The following PGCKA1 variants were observed in gnomAD, a reference collection of about 807,000 sequenced individuals.
The protein encoded by PGCKA1 is PDCD10 and GCKIII kinases-associated protein 1.
the PGCKA1 span, among the ~76,000 whole-genome samples, chr4:37,509,153 T>C: frequency 0.5 from 72,190 of 145,460 alleles, 18,309 homozygotes; most frequent in African/African-American, 0.56. Context: ...TAGACAAAAC[T>C]GCCATCGTCA....
At chr4:37,590,260 A>C in the PGCKA1 span, 3 of 1,614,080 alleles carry the variant, frequency 1.9e-6, no homozygotes, top group Non-Finnish European at 2.5e-6. Flanking sequence ...GAGCAGCAGC[A>C]GGACAGCTGA....
chr4:37,481,587 T>C, the PGCKA1 span, among the ~76,000 whole-genome samples: 1 of 151,560 alleles, frequency 6.6e-6, no homozygotes, highest in East Asian at 2.0e-4. Context: ...TTGCCGACTC[T>C]TCACATGGTT....
At chr4:37,554,862 G>C in the PGCKA1 span, among the ~76,000 whole-genome samples, 51 of 152,298 alleles carry the variant, frequency 3.3e-4, no homozygotes, top group Non-Finnish European at 3.7e-4. Context: ...GCTGGAAATA[G>C]AAAGTAGCTG....
the PGCKA1 span, among the ~76,000 whole-genome samples, chr4:37,551,735 G>A: frequency 5.6e-3 from 850 of 152,302 alleles, 12 homozygotes; most frequent in African/African-American, 0.02. Context: ...GTGGTTCCCA[G>A]CACTAGAAAA....
chr4:37,514,753 TATCTG>T, the PGCKA1 span, among the ~76,000 whole-genome samples: 1 of 152,210 alleles, frequency 6.6e-6, no homozygotes, highest in African/African-American at 2.4e-5. Flanking sequence ...AGGGATAGTA[TATCTG>T]ATCTCTCCTA....
the PGCKA1 span, among the ~76,000 whole-genome samples, chr4:37,574,752 C>T: frequency 6.6e-6 from 1 of 151,792 alleles, no homozygotes; most frequent in African/African-American, 2.4e-5. Context: ...CTCTTTCACC[C>T]CCACCCCCAA....
At chr4:37,516,060 T>C in the PGCKA1 span, among the ~76,000 whole-genome samples, 1 of 152,244 alleles carries the variant, frequency 6.6e-6, no homozygotes, top group Non-Finnish European at 1.5e-5. Flanking sequence ...CACAATCCTT[T>C]AACTTGATTC....
the PGCKA1 span, among the ~76,000 whole-genome samples, chr4:37,528,814 T>C: frequency 1.3e-5 from 2 of 152,186 alleles, no homozygotes; most frequent in Admixed American, 6.5e-5. Flanking sequence ...TAGCAGTGAG[T>C]ATTTAAATTT....
At chr4:37,590,727 G>T in the PGCKA1 span, 5 of 1,614,154 alleles carry the variant, frequency 3.1e-6, no homozygotes, top group East Asian at 4.5e-5. Flanking sequence ...AGCCCCCAGT[G>T]GGGGAGCATG....
At chr4:37,572,063 C>CTTTTTCTTT in the PGCKA1 span, among the ~76,000 whole-genome samples, 1 of 89,972 alleles carries the variant, frequency 1.1e-5, no homozygotes, top group South Asian at 4.0e-4. Flanking sequence ...TTTTTTTTTT[C>CTTTTTCTTT]TTTTTTTTTT....
At chr4:37,552,681 C>CT in the PGCKA1 span, among the ~76,000 whole-genome samples, 17 of 152,172 alleles carry the variant, frequency 1.1e-4, no homozygotes, top group East Asian at 1.9e-4. Context: ...ACACGCCAGG[C>CT]TTTTTTTTAT....
chr4:37,456,683 CGAT>C, the PGCKA1 span, among the ~76,000 whole-genome samples: 2 of 152,156 alleles, frequency 1.3e-5, no homozygotes, highest in African/African-American at 4.8e-5. Context: ...ACCAGAGAGT[CGAT>C]GAGTTTCTGG....
the PGCKA1 span, among the ~76,000 whole-genome samples, chr4:37,584,760 G>A: frequency 2.0e-5 from 3 of 152,198 alleles, no homozygotes; most frequent in Admixed American, 6.5e-5. Flanking sequence ...GGAGTGCAAG[G>A]TGTCACTCTG....
chr4:37,453,708 G>A, the PGCKA1 span, among the ~76,000 whole-genome samples: 1 of 152,078 alleles, frequency 6.6e-6, no homozygotes, highest in Non-Finnish European at 1.5e-5. Flanking sequence ...GTGCTCAGAG[G>A]CCAACAAGCG....
At chr4:37,549,988 G>C in the PGCKA1 span, among the ~76,000 whole-genome samples, 1 of 152,160 alleles carries the variant, frequency 6.6e-6, no homozygotes, top group African/African-American at 2.4e-5. Context: ...ACTGAGGGCT[G>C]TTCCTAGTAT....
At chr4:37,509,161 T>C in the PGCKA1 span, among the ~76,000 whole-genome samples, 1 of 150,420 alleles carries the variant, frequency 6.6e-6, no homozygotes, top group Non-Finnish European at 1.5e-5. Flanking sequence ...ACTGCCATCG[T>C]CATCATGGCC....
At chr4:37,522,683 T>C in the PGCKA1 span, among the ~76,000 whole-genome samples, 2 of 152,032 alleles carry the variant, frequency 1.3e-5, no homozygotes, top group Non-Finnish European at 2.9e-5. Flanking sequence ...GGCTCTTCAG[T>C]TAGCAGGTGA....
chr4:37,525,735 C>T, the PGCKA1 span, among the ~76,000 whole-genome samples: 2 of 152,150 alleles, frequency 1.3e-5, no homozygotes, highest in South Asian at 2.1e-4. Flanking sequence ...GGCAGCACAC[C>T]AAAGGCTTCA....
chr4:37,530,378 C>T, the PGCKA1 span, among the ~76,000 whole-genome samples: 5 of 152,124 alleles, frequency 3.3e-5, no homozygotes, highest in South Asian at 1.0e-3. Context: ...TCGTGACCAG[C>T]CTGGCCAACA....
Sources: gnomAD v4.1 joint callset for allele counts (sites outside exome capture counted in the v4.1 genomes callset) on GRCh38, gnomAD v4.1.1 for gene constraint, MANE v1.5 for transcripts, NCBI Gene and HGNC (gene_info 2026-07-23, HGNC 2026-07-21) for gene names.